DCAF6: variants seen among roughly 807,000 people sequenced by gnomAD.
DCAF6 encodes the protein DDB1 and CUL4 associated factor 6.
DCAF6 carries 54 observed loss-of-function variants against 125.1 expected under a neutral mutation model. That is an observed-to-expected ratio of 0.43 (90% CI 0.35 to 0.54). The LOEUF is 0.54. Among genes scored for constraint, DCAF6 ranks in the 20% least tolerant of loss-of-function variants. The pLI, the probability that DCAF6 is intolerant of heterozygous loss-of-function variation, is 0.01. For synonymous variants in DCAF6, 371 were observed against 390.4 expected (o/e 0.95, Z 0.58); for missense variants, 934 against 1,161.7 (o/e 0.80, Z 2.85).
intron 12 of DCAF6, among the ~76,000 whole-genome samples, chr1:168,024,305 A>T (rs1009048818): frequency 1.3e-5 from 2 of 152,026 alleles, no homozygotes; most frequent in African/African-American, 4.8e-5. Flanking sequence ...AACATTTTTT[A>T]AAAAATTAGC....
At chr1:167,880,259 G>A in the DCAF6 span, 1 of 1,400,960 alleles carries the variant, frequency 7.1e-7, no homozygotes. Context: ...AAGTGGGAAG[G>A]GTGGGAAATA....
At chr1:167,893,258 C>T in the DCAF6 span, among the ~76,000 whole-genome samples, 3 of 152,132 alleles carry the variant, frequency 2.0e-5, no homozygotes, top group Non-Finnish European at 4.4e-5. Context: ...AGAAAGGGTG[C>T]CCGCATGTTC....
intron 4 of DCAF6, among the ~76,000 whole-genome samples, chr1:167,977,126 A>G (rs904975688): frequency 6.9e-6 from 1 of 145,618 alleles, no homozygotes; most frequent in Non-Finnish European, 1.5e-5. Flanking sequence ...CTGGTCTCGA[A>G]CTCCCGACCT....
chr1:168,017,694 ATAAT>A (rs1685161500), intron 11 of DCAF6, among the ~76,000 whole-genome samples: 1 of 152,272 alleles, frequency 6.6e-6, no homozygotes, highest in Non-Finnish European at 1.5e-5. Context: ...CTTATACATA[ATAAT>A]TAAATGCAGT....
chr1:167,904,019 T>C, the DCAF6 span: 5 of 1,517,810 alleles, frequency 3.3e-6, no homozygotes, highest in African/African-American at 6.9e-5. Flanking sequence ...CTGGTTTCCT[T>C]GGCTGCTTGG....
chr1:167,959,423 A>C (rs897771535), intron 2 of DCAF6, among the ~76,000 whole-genome samples: 1 of 152,202 alleles, frequency 6.6e-6, no homozygotes, highest in African/African-American at 2.4e-5. Context: ...TCCTTTGGAT[A>C]AATACCAAGG....
At chr1:167,989,320 T>G (rs1486143812) in intron 5 of DCAF6, among the ~76,000 whole-genome samples, 2 of 152,162 alleles carry the variant, frequency 1.3e-5, no homozygotes, top group African/African-American at 4.8e-5. Flanking sequence ...GTAGTAAGAT[T>G]TAGTTGTGTT....
chr1:167,934,406 C>T (rs923021834), upstream of DCAF6, among the ~76,000 whole-genome samples: 1 of 152,064 alleles, frequency 6.6e-6, no homozygotes, highest in African/African-American at 2.4e-5. Context: ...CCCTCCTTCC[C>T]GAAAATCTTT....
At chr1:167,967,877 T>A (rs1676678437) in intron 3 of DCAF6, among the ~76,000 whole-genome samples, 1 of 151,910 alleles carries the variant, frequency 6.6e-6, no homozygotes, top group African/African-American at 2.4e-5. Flanking sequence ...ATTACAGGTG[T>A]GTGCCACCAT....
chr1:168,041,287 G>A (rs372314164), intron 13 of DCAF6, among the ~76,000 whole-genome samples: 3 of 151,952 alleles, frequency 2.0e-5, no homozygotes, highest in South Asian at 2.1e-4. Flanking sequence ...TTCTTATTGC[G>A]TTATTAGAGC....
At position 168,015,911 on chromosome 1, in the gene DCAF6, G is replaced by A; in HGVS notation, c.1509G>A (p.Gln503=). The change falls in exon 11 of 22, where the codon CAG becomes CAA. Residue 503 remains glutamine (Q), a synonymous_variant. Transcript: ENST00000367840. ...HTQQQPSTSD[Q]SSHEGSSQDP... ...AGCAACAGCCTTCCACTTCTGATCA[G>A]TCTTCTCATGAGGGCTCTTCACAGG... The A allele has an allele frequency of 6.5e-7, 1 of 1,538,414 alleles. No homozygotes were observed. The highest frequency in any genetic ancestry group is 8.8e-7 in the Non-Finnish European group (1 of 1,140,852).
chr1:167,880,452 G>A, the DCAF6 span: 1 of 1,462,176 alleles, frequency 6.8e-7, no homozygotes, highest in Non-Finnish European at 9.6e-7. Flanking sequence ...GCCTCAAAAG[G>A]GTCAGGGACC....
intron 1 of DCAF6, among the ~76,000 whole-genome samples, chr1:167,946,582 G>A (rs1264810627): frequency 6.6e-6 from 1 of 152,096 alleles, no homozygotes; most frequent in East Asian, 1.9e-4. Context: ...CTTATGAAGG[G>A]ATGTTGAATT....
chr1:167,878,742 G>C, the DCAF6 span: 4 of 1,138,130 alleles, frequency 3.5e-6, no homozygotes, highest in Non-Finnish European at 5.2e-6. Flanking sequence ...TACTCCCTTT[G>C]CTGTTCATGA....
intron 17 of DCAF6, among the ~76,000 whole-genome samples, chr1:168,059,378 GTC>G (rs1436000396): frequency 6.6e-6 from 1 of 152,168 alleles, no homozygotes; most frequent in Admixed American, 6.5e-5. Flanking sequence ...CAATTTGCCT[GTC>G]TCTCTGTCAG....
chr1:168,034,101 G>A (rs1172359435), intron 12 of DCAF6, among the ~76,000 whole-genome samples: 1 of 152,126 alleles, frequency 6.6e-6, no homozygotes, highest in Non-Finnish European at 1.5e-5. Context: ...TATTTCTGAG[G>A]AGTAACAACA....
chr1:167,941,267 C>T (rs939180195), intron 1 of DCAF6, among the ~76,000 whole-genome samples: 6 of 151,998 alleles, frequency 3.9e-5, no homozygotes, highest in African/African-American at 1.5e-4. Flanking sequence ...CTGATAATTC[C>T]TTAAGGCAGG....
chr1:167,988,847 G>A (rs1358647717), intron 5 of DCAF6, among the ~76,000 whole-genome samples: 1 of 152,140 alleles, frequency 6.6e-6, no homozygotes, highest in Non-Finnish European at 1.5e-5. Flanking sequence ...TTGGGAGGCC[G>A]AGGCAGGTGG....
intron 13 of DCAF6, chr1:168,042,730 G>C (rs1408911832): frequency 4.7e-6 from 1 of 212,946 alleles, no homozygotes; most frequent in Non-Finnish European, 9.4e-6. Context: ...AGACAATGTA[G>C]TTCACTTAAA....
Sources: gnomAD v4.1 joint callset for allele counts (sites outside exome capture counted in the v4.1 genomes callset) on GRCh38, gnomAD v4.1.1 for gene constraint, MANE v1.5 for transcripts, NCBI Gene and HGNC (gene_info 2026-07-23, HGNC 2026-07-21) for gene names.